The following HDAC9 variants were observed in gnomAD, a reference collection of about 807,000 sequenced individuals.
The protein encoded by HDAC9 is histone deacetylase 9, also known as MEF-2 interacting transcription repressor (MITR) protein.
Under a neutral mutation model 139.4 loss-of-function variants are expected in HDAC9, and 41 were observed. The ratio of observed to expected loss-of-function variants is 0.29; its 90% confidence interval spans 0.23 to 0.38. The LOEUF is 0.38. Ranked by LOEUF, HDAC9 falls within the 10% of genes least tolerant of loss-of-function variation. The probability of loss-of-function intolerance (pLI) is 1.00; values close to 1 mark genes in which losing one functional copy is unlikely to be tolerated. For synonymous variants in HDAC9, 517 were observed against 476.2 expected (o/e 1.09, Z -1.12); for missense variants, 1,147 against 1,297.0 (o/e 0.88, Z 1.78).
chr7:18,214,562 G>A (rs1003396886), intron 2 of HDAC9, among the ~76,000 whole-genome samples: 1 of 152,054 alleles, frequency 6.6e-6, no homozygotes, highest in African/African-American at 2.4e-5. Context: ...TGCTTTTCCA[G>A]TATATAGTTA....
intron 1 of HDAC9, among the ~76,000 whole-genome samples, chr7:18,121,871 ACT>A (rs1784384650): frequency 1.3e-5 from 2 of 152,210 alleles, no homozygotes; most frequent in Admixed American, 6.5e-5. Flanking sequence ...ACACTCTGAA[ACT>A]CTTAACAGTT....
chr7:18,606,533 G>A (rs1228700300), intron 6 of HDAC9, among the ~76,000 whole-genome samples: 1 of 152,162 alleles, frequency 6.6e-6, no homozygotes, highest in African/African-American at 2.4e-5. Flanking sequence ...GTCACATTTT[G>A]TAAGCAAGAC....
intron 1 of HDAC9, among the ~76,000 whole-genome samples, chr7:18,104,488 A>G (rs1783069313): frequency 6.6e-6 from 1 of 152,144 alleles, no homozygotes; most frequent in Non-Finnish European, 1.5e-5. Context: ...CTGACTTTTG[A>G]AAAAAACAAG....
At chr7:18,946,218 C>T (rs112265219) in intron 23 of HDAC9, among the ~76,000 whole-genome samples, 1 of 151,874 alleles carries the variant, frequency 6.6e-6, no homozygotes, top group Non-Finnish European at 1.5e-5. Flanking sequence ...GTCTTGATAT[C>T]TGCTAGAACA....
At chr7:18,854,152 C>T (rs79769663) in intron 21 of HDAC9, among the ~76,000 whole-genome samples, 1,677 of 152,256 alleles carry the variant, frequency 0.011, 15 homozygotes, top group Non-Finnish European at 0.018. Context: ...TGTGGGAAGA[C>T]TTCACCAGAA....
chr7:18,760,302 G>A (rs1789269646), intron 14 of HDAC9, among the ~76,000 whole-genome samples: 1 of 152,070 alleles, frequency 6.6e-6, no homozygotes, highest in South Asian at 2.1e-4. Context: ...CAGTTAAAAC[G>A]TTTCCCTTTA....
At chr7:18,836,018 G>A (rs897101631) in intron 21 of HDAC9, 21 bp downstream of exon 21, 19 of 1,384,232 alleles carry the variant, frequency 1.4e-5, no homozygotes, top group Admixed American at 4.6e-5. Context: ...CTTTCTCTCT[G>A]AAAGTGGCAA....
intron 6 of HDAC9, among the ~76,000 whole-genome samples, chr7:18,612,225 A>G (rs185670179): frequency 2.0e-5 from 3 of 152,170 alleles, no homozygotes; most frequent in Admixed American, 2.0e-4. Context: ...TACAAAAGGG[A>G]TCTTTTGTTT....
intron 12 of HDAC9, among the ~76,000 whole-genome samples, chr7:18,705,145 T>C (rs531751861): frequency 6.6e-6 from 1 of 152,342 alleles, no homozygotes; most frequent in South Asian, 2.1e-4. Context: ...CTTAACTTGC[T>C]AATTTGTGTT....
Position 18,438,958 on chromosome 7 carries a change from C to T in HDAC9, c.-41-57304C>T, listed in dbSNP as rs187358412. 2.6e-5 allele frequency among the ~76,000 whole-genome samples: 4 copies of T among 152,204 alleles called. 1 individual carries two copies. Among genetic ancestry groups the T allele is most frequent in the African/African-American group, 9.6e-5 (4 of 41,518 alleles). ...GCATCAGAGAAGTGAAAATTATTTT[C>T]GAACACTGCATAGTACAAAACAATG... On this transcript the variant is annotated intron_variant, in intron 1 of 3. Coordinates refer to the HDAC9 transcript ENST00000413509.
At chr7:18,804,037 T>A (rs1232106226) in intron 17 of HDAC9, among the ~76,000 whole-genome samples, 1 of 152,188 alleles carries the variant, frequency 6.6e-6, no homozygotes, top group Non-Finnish European at 1.5e-5. Flanking sequence ...AATGGACATA[T>A]GATACAAGTT....
intron 2 of HDAC9, among the ~76,000 whole-genome samples, chr7:18,550,297 AT>A (rs565858663): frequency 6.6e-6 from 1 of 152,034 alleles, no homozygotes; most frequent in African/African-American, 2.4e-5. Context: ...ATTCGATCCC[AT>A]TTTTTTCGTT....
chr7:18,451,136 A>ATGG (rs1220857745), intron 1 of HDAC9, among the ~76,000 whole-genome samples: 6 of 152,118 alleles, frequency 3.9e-5, no homozygotes, highest in Non-Finnish European at 7.4e-5. Context: ...GCCTTTACGA[A>ATGG]ACAGGCCTGA....
chr7:18,410,757 A>G (rs1005340886), intron 1 of HDAC9, among the ~76,000 whole-genome samples: 4 of 152,164 alleles, frequency 2.6e-5, no homozygotes, highest in Non-Finnish European at 4.4e-5. Flanking sequence ...ACCCAGTGAG[A>G]TTTAAGAAGG....
chr7:18,523,298 A>T (rs1212758516), intron 2 of HDAC9, among the ~76,000 whole-genome samples: 1 of 152,216 alleles, frequency 6.6e-6, no homozygotes, highest in Non-Finnish European at 1.5e-5. Flanking sequence ...ACACTCCTTA[A>T]AATGGGTTGT....
In HDAC9 at chr7:18,824,414, C is replaced by T. The variant is rs111840245; in HGVS notation, c.2323-4747C>T. Among the ~76,000 whole-genome samples the T allele has an allele frequency of 2.4e-3, 358 of 152,194 alleles. 1 individual carries two copies. Among genetic ancestry groups the T allele is most frequent in the Non-Finnish European group, 3.7e-3 (252 of 68,016 alleles). ...ATTTAATGATGGGTCTGAAGTTTAA[C>T]CCAGATAAGAAGGAAGGCAAACATG... On this transcript the variant is annotated intron_variant, in intron 17 of 25. Transcript: ENST00000686413.
At chr7:18,947,200 A>G (rs1362632464) in intron 23 of HDAC9, among the ~76,000 whole-genome samples, 1 of 152,080 alleles carries the variant, frequency 6.6e-6, no homozygotes, top group Non-Finnish European at 1.5e-5. Context: ...GTTTAAAAGC[A>G]TATATCTCAT....
At chr7:18,125,082 T>C (rs1784572700) in intron 1 of HDAC9, among the ~76,000 whole-genome samples, 1 of 152,114 alleles carries the variant, frequency 6.6e-6, no homozygotes, top group Admixed American at 6.6e-5. Context: ...ATATTTTTGA[T>C]AAATAGCCAG....
At chr7:18,680,274 T>G (rs1781801663) in intron 12 of HDAC9, among the ~76,000 whole-genome samples, 2 of 152,002 alleles carry the variant, frequency 1.3e-5, no homozygotes, top group South Asian at 2.1e-4. Flanking sequence ...TTATGCCTTT[T>G]AAAACATTTA....
Sources: gnomAD v4.1 joint callset for allele counts (sites outside exome capture counted in the v4.1 genomes callset) on GRCh38, gnomAD v4.1.1 for gene constraint, MANE v1.5 for transcripts, NCBI Gene and HGNC (gene_info 2026-07-23, HGNC 2026-07-21) for gene names.